The following HDAC9 variants were observed in gnomAD, a reference collection of about 807,000 sequenced individuals.
The protein encoded by HDAC9 is histone deacetylase 9, also known as MEF-2 interacting transcription repressor (MITR) protein.
A neutral mutation model predicts 139.4 loss-of-function variants in HDAC9; 41 were observed. The observed-to-expected ratio is 0.29, with a 90% CI of 0.23 to 0.38. HDAC9 has a LOEUF of 0.38. Among genes scored for constraint, HDAC9 ranks in the 10% least tolerant of loss-of-function variants. The probability of loss-of-function intolerance (pLI) is 1.00; values close to 1 mark genes in which losing one functional copy is unlikely to be tolerated. For synonymous variants in HDAC9, 517 were observed against 476.2 expected (o/e 1.09, Z -1.12); for missense variants, 1,147 against 1,297.0 (o/e 0.88, Z 1.78).
intron 13 of HDAC9, among the ~76,000 whole-genome samples, chr7:18,740,626 A>G (rs914135810): frequency 6.6e-6 from 1 of 152,178 alleles, no homozygotes; most frequent in Non-Finnish European, 1.5e-5. Context: ...AATTAGGCCA[A>G]TTTATAAACC....
intron 6 of HDAC9, among the ~76,000 whole-genome samples, chr7:18,611,051 G>T (rs569417418): frequency 6.6e-6 from 1 of 152,176 alleles, no homozygotes; most frequent in South Asian, 2.1e-4. Flanking sequence ...ATTATAATAG[G>T]TGATCATGTA....
chr7:18,544,112 A>G (rs923151043), intron 2 of HDAC9, among the ~76,000 whole-genome samples: 3 of 152,198 alleles, frequency 2.0e-5, no homozygotes, highest in African/African-American at 4.8e-5. Context: ...GTAGGACCCA[A>G]AGTGAAAGCA....
At chr7:18,652,830 TAAAC>T (rs1789748766) in intron 11 of HDAC9, among the ~76,000 whole-genome samples, 1 of 152,162 alleles carries the variant, frequency 6.6e-6, no homozygotes, top group African/African-American at 2.4e-5. Flanking sequence ...ATGGATGCGT[TAAAC>T]AAATCATTAA....
chr7:18,605,834 C>G (rs1433065253), intron 6 of HDAC9, among the ~76,000 whole-genome samples: 1 of 152,138 alleles, frequency 6.6e-6, no homozygotes, highest in Non-Finnish European at 1.5e-5. Flanking sequence ...GCGCCCTCCA[C>G]CATGCCCAGC....
chr7:18,224,637 G>T (rs1269964276), intron 2 of HDAC9, among the ~76,000 whole-genome samples: 5 of 152,086 alleles, frequency 3.3e-5, no homozygotes, highest in African/African-American at 1.2e-4. Flanking sequence ...TCACATGGAG[G>T]CTCTTTCCTA....
chr7:18,436,337 C>T lies in HDAC9; in HGVS notation c.-41-59925C>T, dbSNP rs116595519. On this transcript the variant is annotated intron_variant, in intron 1 of 3. Transcript: ENST00000413509. Reference sequence around the variant, plus strand: ...ACAAAGGTTTAGGCAGTAATCTTAACGGAAAAAGCCTGCAGTCTTTGAAAG... The same window carrying T: ...ACAAAGGTTTAGGCAGTAATCTTAATGGAAAAAGCCTGCAGTCTTTGAAAG... Among the ~76,000 whole-genome samples, 1,217 of 152,124 alleles carry T rather than the reference C, an allele frequency of 8.0e-3. 14 individuals are homozygous for T. Among genetic ancestry groups the T allele is most frequent in the African/African-American group, 0.027 (1,127 of 41,482 alleles).
chr7:18,633,904 A>T (rs1438962972), intron 7 of HDAC9, among the ~76,000 whole-genome samples: 1 of 152,116 alleles, frequency 6.6e-6, no homozygotes, highest in Non-Finnish European at 1.5e-5. Flanking sequence ...AGAGGAAAGG[A>T]TGGGTTAAAT....
intron 17 of HDAC9, among the ~76,000 whole-genome samples, chr7:18,796,812 TA>T (rs1435099478): frequency 6.6e-6 from 1 of 152,154 alleles, no homozygotes; most frequent in Non-Finnish European, 1.5e-5. Flanking sequence ...TAATCATAAA[TA>T]AAAAAGGATT....
At chr7:18,411,716 A>C (rs913632546) in intron 1 of HDAC9, among the ~76,000 whole-genome samples, 6 of 151,888 alleles carry the variant, frequency 4.0e-5, no homozygotes. Context: ...GATTTTGCCC[A>C]AATGTAGGCT....
chr7:18,416,796 T>C (rs1789110160), intron 1 of HDAC9, among the ~76,000 whole-genome samples: 1 of 152,212 alleles, frequency 6.6e-6, no homozygotes, highest in Non-Finnish European at 1.5e-5. Context: ...GGACCCACTG[T>C]CTCCTTGCCT....
intron 22 of HDAC9, among the ~76,000 whole-genome samples, chr7:18,928,745 C>A (rs1804457239): frequency 6.6e-6 from 1 of 151,954 alleles, no homozygotes; most frequent in South Asian, 2.1e-4. Context: ...GCATGAAATA[C>A]ACAAAGGTAG....
rs918005223 is a variant in HDAC9, at chr7:18,519,286, G to A, written c.22+22962G>A. Among the ~76,000 whole-genome samples, 16 of 152,112 alleles carry A rather than the reference G, an allele frequency of 1.1e-4. 1 individual carries two copies. The South Asian group carries it at 1.2e-3, about 12-fold the overall frequency. On this transcript the variant is annotated intron_variant, in intron 2 of 25. Coordinates refer to ENST00000686413, the MANE Select transcript of HDAC9 (RefSeq NM_178425.4). ...AATAATTGTTGACTTGGTATTCTTC[G>A]TAGTCAGAAACAAATTAAATGACAA...
At chr7:18,302,242 A>G (rs1798586661) in intron 1 of HDAC9, among the ~76,000 whole-genome samples, 1 of 152,252 alleles carries the variant, frequency 6.6e-6, no homozygotes, top group African/African-American at 2.4e-5. Context: ...CACTTGTGAC[A>G]TATGCCCATA....
chr7:18,327,509 A>AT (rs928811046), intron 1 of HDAC9: 10 of 151,902 alleles, frequency 6.6e-5, no homozygotes, highest in Non-Finnish European at 1.3e-4. Flanking sequence ...TATTACACTA[A>AT]TTAAACGGTT....
chr7:18,182,857 G>T (rs1025029175), intron 2 of HDAC9, among the ~76,000 whole-genome samples: 2 of 152,088 alleles, frequency 1.3e-5, no homozygotes. Context: ...CAGAAGAGAG[G>T]TCACAGTCAA....
At chr7:18,725,595 C>T (rs1785481822) in intron 12 of HDAC9, among the ~76,000 whole-genome samples, 1 of 151,968 alleles carries the variant, frequency 6.6e-6, no homozygotes, top group Admixed American at 6.6e-5. Flanking sequence ...GAGCTTTTTG[C>T]CATGTCTTAC....
At chr7:18,628,293 G>T (rs1342635312) in intron 6 of HDAC9, among the ~76,000 whole-genome samples, 1 of 152,164 alleles carries the variant, frequency 6.6e-6, no homozygotes, top group Non-Finnish European at 1.5e-5. Context: ...CCTTGGGCAA[G>T]ATACTTACCC....
intron 19 of HDAC9, among the ~76,000 whole-genome samples, chr7:18,830,667 G>T (rs1271425259): frequency 6.6e-6 from 1 of 152,186 alleles, no homozygotes; most frequent in Non-Finnish European, 1.5e-5. Flanking sequence ...CCCATTTGTT[G>T]TGCTTCGTTG....
At chr7:18,451,631 A>T (rs759101904) in intron 1 of HDAC9, among the ~76,000 whole-genome samples, 4 of 151,948 alleles carry the variant, frequency 2.6e-5, no homozygotes, top group Non-Finnish European at 4.4e-5. Flanking sequence ...ATGTGGATAT[A>T]GAGGTATCCA....
Sources: allele counts gnomAD v4.1 joint callset (sites outside exome capture counted in the v4.1 genomes callset), GRCh38; gene constraint gnomAD v4.1.1; transcripts MANE v1.5; gene names NCBI Gene and HGNC (gene_info 2026-07-23, HGNC 2026-07-21).